The following AUTS2 variants were observed in gnomAD, a reference collection of about 807,000 sequenced individuals.
The protein encoded by AUTS2 is activator of transcription and developmental regulator AUTS2.
A neutral mutation model predicts 112.4 loss-of-function variants in AUTS2; 17 were observed. That is an observed-to-expected ratio of 0.15 (90% CI 0.10 to 0.23). The LOEUF (loss-of-function observed/expected upper bound fraction) is 0.23. Ranked by LOEUF, AUTS2 falls within the 10% of genes least tolerant of loss-of-function variation. The pLI is 1.00. For synonymous variants in AUTS2, 751 were observed against 702.7 expected (o/e 1.07, Z -1.09); for missense variants, 1,510 against 1,701.6 (o/e 0.89, Z 1.98).
intron 1 of AUTS2, among the ~76,000 whole-genome samples, chr7:69,739,738 T>C (rs1328967901): frequency 2.0e-5 from 3 of 152,186 alleles, no homozygotes; most frequent in African/African-American, 4.8e-5. Flanking sequence ...AAGAATTGGC[T>C]CTTTGAGGCT....
At chr7:70,159,543 T>G (rs1807964106) in intron 4 of AUTS2, among the ~76,000 whole-genome samples, 1 of 152,210 alleles carries the variant, frequency 6.6e-6, no homozygotes. Flanking sequence ...TAGTAGAATT[T>G]AGATGTGTTA....
intron 2 of AUTS2, among the ~76,000 whole-genome samples, chr7:69,985,269 C>G (rs1169660192): frequency 6.6e-6 from 1 of 151,386 alleles, no homozygotes; most frequent in Non-Finnish European, 1.5e-5. Flanking sequence ...AAAACGTGCC[C>G]TGTTTTTCTG....
At chr7:70,418,189 C>T (rs1248534455) in intron 4 of AUTS2, among the ~76,000 whole-genome samples, 3 of 151,926 alleles carry the variant, frequency 2.0e-5, no homozygotes, top group Non-Finnish European at 4.4e-5. Context: ...CCTCCCACCT[C>T]GGCCTCTCAA....
At chr7:70,555,620 G>A (rs1178611333) in intron 5 of AUTS2, among the ~76,000 whole-genome samples, 2 of 152,114 alleles carry the variant, frequency 1.3e-5, no homozygotes, top group Non-Finnish European at 2.9e-5. Flanking sequence ...AAACTGTTTG[G>A]CTTTGGGAAG....
chr7:70,372,776 C>T lies in AUTS2; in HGVS notation c.661-62976C>T, dbSNP rs533082925. 6.6e-5 allele frequency among the ~76,000 whole-genome samples: 10 copies of T among 151,732 alleles called. No individual in the cohort carries two copies. The East Asian group carries it at 1.9e-3, about 29-fold the overall frequency. ...AAAAATCAACCCTGTTAATAACTTC[C>T]ACTTTGAGAGTTTGGGCTGGTTGCA... is the stretch of plus-strand genomic sequence containing the variant. On this transcript the variant is annotated intron_variant, in intron 4 of 18. Transcript: ENST00000342771.
intron 5 of AUTS2, among the ~76,000 whole-genome samples, chr7:70,457,887 G>A (rs954579962): frequency 6.6e-6 from 1 of 152,174 alleles, no homozygotes; most frequent in Non-Finnish European, 1.5e-5. Context: ...CTTCCTGGGT[G>A]TAGGAAATGG....
At chr7:69,776,402 G>T (rs1351572241) in intron 1 of AUTS2, among the ~76,000 whole-genome samples, 1 of 152,038 alleles carries the variant, frequency 6.6e-6, no homozygotes, top group African/African-American at 2.4e-5. Flanking sequence ...TTCTTGCAGG[G>T]GTTTCCCAAA....
chr7:69,706,579 TAATTTACTTGACTCA>T (rs1798069111), intron 1 of AUTS2, among the ~76,000 whole-genome samples: 1 of 152,224 alleles, frequency 6.6e-6, no homozygotes, highest in African/African-American at 2.4e-5. Context: ...TTGAATTACT[TAATTTACTTGACTCA>T]AATATTTTGT....
chr7:70,276,700 T>C (rs930682443), intron 4 of AUTS2, among the ~76,000 whole-genome samples: 2 of 152,166 alleles, frequency 1.3e-5, no homozygotes, highest in African/African-American at 4.8e-5. Flanking sequence ...CCATTTCATA[T>C]AATATTATAA....
intron 2 of AUTS2, among the ~76,000 whole-genome samples, chr7:69,928,021 T>C (rs1373444092): frequency 6.6e-6 from 1 of 152,218 alleles, no homozygotes; most frequent in Non-Finnish European, 1.5e-5. Context: ...AGTTCTTGTC[T>C]CACATCCAGG....
chr7:70,758,846 A>G (rs1789382899), intron 6 of AUTS2, among the ~76,000 whole-genome samples: 1 of 152,226 alleles, frequency 6.6e-6, no homozygotes, highest in African/African-American at 2.4e-5. Context: ...CTGGGAAGAT[A>G]CATTTATTGA....
chr7:70,164,498 G>A (rs78425285), intron 4 of AUTS2, among the ~76,000 whole-genome samples: 2,216 of 152,126 alleles, frequency 0.015, 20 homozygotes, highest in Non-Finnish European at 0.024. Context: ...TACTGGTCAG[G>A]TATTTTAGAG....
chr7:70,553,669 G>A (rs376757359), intron 5 of AUTS2, among the ~76,000 whole-genome samples: 1 of 151,690 alleles, frequency 6.6e-6, no homozygotes, highest in Non-Finnish European at 1.5e-5. Flanking sequence ...ATGGGACAGG[G>A]CAAGTAATGC....
chr7:69,731,500 T>C (rs1786792579), intron 1 of AUTS2, among the ~76,000 whole-genome samples: 1 of 152,224 alleles, frequency 6.6e-6, no homozygotes, highest in Non-Finnish European at 1.5e-5. Context: ...GCCTGACCCA[T>C]AGCAAATGCT....
chr7:70,651,304 C>G (rs1806494754), intron 5 of AUTS2, among the ~76,000 whole-genome samples: 2 of 152,332 alleles, frequency 1.3e-5, no homozygotes, highest in African/African-American at 4.8e-5. Flanking sequence ...TGCCCCCTCT[C>G]TGGTGCTCAG....
intron 4 of AUTS2, among the ~76,000 whole-genome samples, chr7:70,365,089 GT>G (rs1792505468): frequency 6.6e-6 from 1 of 152,084 alleles, no homozygotes. Context: ...AAAATTAACT[GT>G]GAAAAAAATT....
chr7:70,115,943 A>G (rs1486428857), intron 2 of AUTS2, among the ~76,000 whole-genome samples: 1 of 152,196 alleles, frequency 6.6e-6, no homozygotes, highest in Non-Finnish European at 1.5e-5. Flanking sequence ...TCCAGAGGGA[A>G]TATGGTGTGA....
intron 2 of AUTS2, among the ~76,000 whole-genome samples, chr7:70,003,464 A>ATT (rs1799329664): frequency 1.6e-5 from 2 of 125,752 alleles, no homozygotes; most frequent in South Asian, 4.7e-4. Flanking sequence ...ATATATATGA[A>ATT]TATGTTATAT....
chr7:70,028,805 T>G (rs1800640130), intron 2 of AUTS2, among the ~76,000 whole-genome samples: 1 of 152,176 alleles, frequency 6.6e-6, no homozygotes, highest in Non-Finnish European at 1.5e-5. Context: ...TACTTCCCCT[T>G]TCACATGAAA....
Sources: allele counts gnomAD v4.1 joint callset (sites outside exome capture counted in the v4.1 genomes callset), GRCh38; gene constraint gnomAD v4.1.1; transcripts MANE v1.5; gene names NCBI Gene and HGNC (gene_info 2026-07-23, HGNC 2026-07-21).